The following SLC9A9 variants were observed in gnomAD, a reference collection of about 807,000 sequenced individuals.
SLC9A9 encodes the protein sodium/hydrogen exchanger 9.
In SLC9A9, 62 loss-of-function variants were observed where a neutral mutation model predicts 77.8. That is an observed-to-expected ratio of 0.80 (90% CI 0.65 to 0.98). SLC9A9 has a LOEUF of 0.98. SLC9A9 is among the 50% of genes least tolerant of loss of function. The probability of loss-of-function intolerance (pLI) is 0.00; values close to 1 mark genes in which losing one functional copy is unlikely to be tolerated. For missense variants in SLC9A9, 775 were observed against 774.9 expected, an observed-to-expected ratio of 1.00 and a Z score of 0.00; for synonymous variants, 320 against 283.5, an observed-to-expected ratio of 1.13 and a Z score of -1.29.
chr3:143,281,044 A>T (rs1454208371), intron 14 of SLC9A9, among the ~76,000 whole-genome samples: 3 of 152,208 alleles, frequency 2.0e-5, no homozygotes, highest in African/African-American at 7.2e-5. Context: ...CAGGTGCCTG[A>T]AGTAGGTGCG....
At chr3:143,370,442 A>C (rs2033024230) in intron 13 of SLC9A9, among the ~76,000 whole-genome samples, 1 of 152,162 alleles carries the variant, frequency 6.6e-6, no homozygotes, top group South Asian at 2.1e-4. Context: ...TAGAGAGAGG[A>C]GGAAGTTCAC....
At chr3:143,680,101 G>A (rs1933036574) in intron 5 of SLC9A9, among the ~76,000 whole-genome samples, 1 of 151,874 alleles carries the variant, frequency 6.6e-6, no homozygotes, top group Non-Finnish European at 1.5e-5. Flanking sequence ...TAGATAATAC[G>A]AGTACCACTA....
At chr3:143,479,719 G>T (rs1020405599) in intron 11 of SLC9A9, among the ~76,000 whole-genome samples, 1 of 152,108 alleles carries the variant, frequency 6.6e-6, no homozygotes, top group African/African-American at 2.4e-5. Context: ...GGAGAGAGGA[G>T]AGCAGGAGCC....
intron 14 of SLC9A9, among the ~76,000 whole-genome samples, chr3:143,351,550 G>C (rs1344631629): frequency 6.6e-6 from 1 of 152,182 alleles, no homozygotes; most frequent in Non-Finnish European, 1.5e-5. Flanking sequence ...GTGAATAGTT[G>C]ATGGTGGGGG....
rs181025636 is a variant in SLC9A9, at chr3:143,441,668, T to C, written c.1469+25369A>G. On this transcript the variant is annotated intron_variant, in intron 12 of 15. Coordinates refer to ENST00000316549, the MANE Select transcript of SLC9A9 (RefSeq NM_173653.4). Reference sequence around the variant, plus strand: ...GTTATCTTTCAATGCAGAGTTATATTGAAGTGATCAATGTGTGCTCTGGAT... The same window carrying C: ...GTTATCTTTCAATGCAGAGTTATATCGAAGTGATCAATGTGTGCTCTGGAT... 5.8e-3 allele frequency among the ~76,000 whole-genome samples: 887 copies of C among 152,236 alleles called. 20 individuals are homozygous for C. Among genetic ancestry groups the C allele is most frequent in the Non-Finnish European group, 2.4e-3 (160 of 68,022 alleles).
chr3:143,571,237 C>T lies in SLC9A9; in HGVS notation c.1000+2851G>A, dbSNP rs116486046. ...TACAAGGCTCCACGATTGCTGGTTA[C>T]CTCTGTAGTTACTCATAAACTATTT... On this transcript the variant is annotated intron_variant, in intron 8 of 15. Transcript: ENST00000316549. Among the ~76,000 whole-genome samples the T allele has an allele frequency of 6.4e-3, 980 of 152,262 alleles. 11 individuals are homozygous for T. Among genetic ancestry groups the T allele is most frequent in the African/African-American group, 0.022 (905 of 41,560 alleles).
intron 5 of SLC9A9, among the ~76,000 whole-genome samples, chr3:143,685,640 G>C (rs1346061578): frequency 6.6e-6 from 1 of 152,174 alleles, no homozygotes; most frequent in Non-Finnish European, 1.5e-5. Flanking sequence ...ACTTGAATGA[G>C]TGGCTTCCTG....
intron 14 of SLC9A9, chr3:143,344,606 G>A (rs1441732834): frequency 6.6e-6 from 1 of 152,192 alleles, no homozygotes; most frequent in East Asian, 1.9e-4. Context: ...TAAGGCATTA[G>A]TCCATTTGGA....
intron 12 of SLC9A9, among the ~76,000 whole-genome samples, chr3:143,412,919 C>A (rs1309324758): frequency 6.6e-6 from 1 of 152,046 alleles, no homozygotes. Context: ...TATTAGTGGA[C>A]CAATTCTGAT....
intron 6 of SLC9A9, among the ~76,000 whole-genome samples, chr3:143,586,972 G>A (rs2037550745): frequency 6.6e-6 from 1 of 152,224 alleles, no homozygotes; most frequent in Non-Finnish European, 1.5e-5. Context: ...AACTCTTTCT[G>A]CTTCTGAGGG....
At chr3:143,829,525 A>T (rs1455417900) in intron 2 of SLC9A9, among the ~76,000 whole-genome samples, 5 of 152,160 alleles carry the variant, frequency 3.3e-5, no homozygotes, top group African/African-American at 1.2e-4. Flanking sequence ...TCAAGTACCT[A>T]TGACAACTAG....
chr3:143,597,676 C>A (rs2037779595), intron 6 of SLC9A9, among the ~76,000 whole-genome samples: 1 of 152,202 alleles, frequency 6.6e-6, no homozygotes, highest in Non-Finnish European at 1.5e-5. Flanking sequence ...TGGACCTGGA[C>A]CCCAGGATCT....
intron 12 of SLC9A9, among the ~76,000 whole-genome samples, chr3:143,395,051 C>A (rs570095587): frequency 6.6e-6 from 1 of 152,110 alleles, no homozygotes; most frequent in Non-Finnish European, 1.5e-5. Flanking sequence ...TCAATGCCAT[C>A]CCCATCAAGC....
chr3:143,623,868 T>C (rs1315114065), intron 6 of SLC9A9, among the ~76,000 whole-genome samples: 4 of 152,044 alleles, frequency 2.6e-5, no homozygotes, highest in East Asian at 1.9e-4. Context: ...AGACCGCTAG[T>C]AAGACTAATA....
chr3:143,311,191 G>C (rs902254171), intron 14 of SLC9A9, among the ~76,000 whole-genome samples: 4 of 152,142 alleles, frequency 2.6e-5, no homozygotes, highest in African/African-American at 9.7e-5. Flanking sequence ...TGTCTACCAC[G>C]ACCAGGACTC....
At chr3:143,688,073 CTTT>C (rs755976453) in intron 5 of SLC9A9, among the ~76,000 whole-genome samples, 1 of 151,110 alleles carries the variant, frequency 6.6e-6, no homozygotes, top group African/African-American at 2.4e-5. Context: ...TCCCTCCCTT[CTTT>C]ATTTCTTTTT....
intron 15 of SLC9A9, 37 bp from the exon 16 acceptor site, chr3:143,266,966 T>C (rs1436440210): frequency 5.6e-6 from 9 of 1,603,976 alleles, no homozygotes; most frequent in African/African-American, 5.4e-5. Context: ...CACTTCATGA[T>C]GAAGGCAGAA....
At chr3:143,360,957 T>C (rs1476128173) in intron 14 of SLC9A9, among the ~76,000 whole-genome samples, 3 of 152,222 alleles carry the variant, frequency 2.0e-5, no homozygotes, top group African/African-American at 7.2e-5. Flanking sequence ...GTGGGCCTCA[T>C]GCAATCAGTT....
chr3:143,320,576 C>T (rs1008795979), intron 14 of SLC9A9, among the ~76,000 whole-genome samples: 2 of 152,144 alleles, frequency 1.3e-5, no homozygotes, highest in Admixed American at 1.3e-4. Flanking sequence ...AGGTGCCACA[C>T]TCTTTTAAAT....
Sources: gnomAD v4.1 joint callset for allele counts (sites outside exome capture counted in the v4.1 genomes callset) on GRCh38, gnomAD v4.1.1 for gene constraint, MANE v1.5 for transcripts, NCBI Gene and HGNC (gene_info 2026-07-23, HGNC 2026-07-21) for gene names.